PDZD2: variants seen among roughly 807,000 people sequenced by gnomAD.
The protein encoded by PDZD2 is PDZ domain-containing protein 2.
In PDZD2, 90 loss-of-function variants were observed where a neutral mutation model predicts 220.7. That is an observed-to-expected ratio of 0.41 (90% CI 0.34 to 0.49). The LOEUF (loss-of-function observed/expected upper bound fraction) is 0.49, where lower values mean the gene tolerates loss of function less well. PDZD2 is among the 20% of genes least tolerant of loss of function. PDZD2 has a pLI of 0.28. For synonymous variants in PDZD2, 1,375 were observed against 1,450.5 expected, an observed-to-expected ratio of 0.95 and a Z score of 1.18; for missense variants, 3,174 against 3,608.5, an observed-to-expected ratio of 0.88 and a Z score of 3.08.
chr5:32,089,958 C>T lies in PDZD2; in HGVS notation c.6510C>T (p.Ser2170=), dbSNP rs372666605. ...TCAGCATGGCAAAACTGGCGTCCTC[C>T]TCCTCCTCCCTTCAAACAGCCATTA... The part of the protein sequence containing the change: ...RSFSMAKLAS[S]SSSLQTAIRK... Residue 2170 remains serine, a synonymous_variant, in exon 20 of 25, where the codon TCC becomes TCT. Coordinates refer to ENST00000438447, the MANE Select transcript of PDZD2 (RefSeq NM_178140.4). The T allele has an allele frequency of 8.0e-5, 128 of 1,605,360 alleles. No homozygotes were observed. The highest frequency in any genetic ancestry group is 2.5e-4 in the Admixed American group (15 of 59,298).
At chr5:32,002,393 T>G (rs930372787) in intron 5 of PDZD2, among the ~76,000 whole-genome samples, 1 of 152,076 alleles carries the variant, frequency 6.6e-6, no homozygotes, top group African/African-American at 2.4e-5. Flanking sequence ...ACCCAGAGCG[T>G]CTGCCTGTGG....
intron 2 of PDZD2, among the ~76,000 whole-genome samples, chr5:31,947,947 C>T (rs2111584154): frequency 6.6e-6 from 1 of 152,160 alleles, no homozygotes; most frequent in South Asian, 2.1e-4. Flanking sequence ...AAAGAAAGTG[C>T]CAAGCATTAT....
At position 32,024,048 on chromosome 5, in the gene PDZD2, A is replaced by G. The variant is rs190173433; in HGVS notation, c.1408-13183A>G. On this transcript the variant is annotated intron_variant, in intron 6 of 24. Coordinates refer to ENST00000438447, the MANE Select transcript of PDZD2 (RefSeq NM_178140.4). ...CCATGATCAGATCAACTATTGTGGT[A>G]TCACGGTTCTTGTGATCAAGCAGTT... 1.4e-3 allele frequency among the ~76,000 whole-genome samples: 209 copies of G among 152,328 alleles called. 6 individuals carry two copies. The highest frequency in any genetic ancestry group is 0.013 in the Admixed American group (199 of 15,300).
intron 2 of PDZD2, among the ~76,000 whole-genome samples, chr5:31,933,136 C>T (rs1271807257): frequency 6.6e-6 from 1 of 152,126 alleles, no homozygotes; most frequent in Non-Finnish European, 1.5e-5. Flanking sequence ...GTCTCGAACT[C>T]CTGACCTCAA....
At position 32,017,541 on chromosome 5, in the gene PDZD2, C is replaced by A. The variant is rs552649913; in HGVS notation, c.1407+7059C>A. ...ATGAGAGAAAGTCTCTCTGCTATGC[C>A]CTTCTGGGAATTTCTCTCTGGGATA... On this transcript the variant is annotated intron_variant, in intron 6 of 24. Transcript: ENST00000438447. Among the ~76,000 whole-genome samples, 3 of 152,214 alleles carry A rather than the reference C, an allele frequency of 2.0e-5. No individual in the cohort carries two copies. In the East Asian group the frequency reaches 5.8e-4, roughly 29 times the overall value.
intron 1 of PDZD2, among the ~76,000 whole-genome samples, chr5:31,681,204 CTG>C (rs1235041155): frequency 6.6e-6 from 1 of 152,094 alleles, no homozygotes; most frequent in East Asian, 1.9e-4. Flanking sequence ...AGGCTTATGA[CTG>C]TTGATTCATC....
intron 1 of PDZD2, among the ~76,000 whole-genome samples, chr5:31,655,992 G>A (rs166202): frequency 0.94 from 143,216 of 152,278 alleles, 67,539 homozygotes; most frequent in East Asian, 1. Flanking sequence ...TCATTAGAGT[G>A]GTTGGAGTGG....
At chr5:31,938,722 A>AT (rs1352000655) in intron 2 of PDZD2, among the ~76,000 whole-genome samples, 1 of 152,202 alleles carries the variant, frequency 6.6e-6, no homozygotes, top group Non-Finnish European at 1.5e-5. Context: ...ATGTTTTCTC[A>AT]TATTTAGAAC....
intron 6 of PDZD2, among the ~76,000 whole-genome samples, chr5:32,025,970 C>G (rs1754629497): frequency 6.6e-6 from 1 of 152,174 alleles, no homozygotes; most frequent in Non-Finnish European, 1.5e-5. Context: ...TTTTCTGTTA[C>G]AATAATCCAT....
intron 5 of PDZD2, among the ~76,000 whole-genome samples, chr5:32,008,775 A>G (rs981073533): frequency 1.3e-5 from 2 of 152,238 alleles, no homozygotes; most frequent in Non-Finnish European, 1.5e-5. Flanking sequence ...GGATGAAAGC[A>G]GTAGTCAAAG....
rs1737965124 is a variant in PDZD2, at chr5:32,046,396, C to A, written c.1520-2143C>A. On this transcript the variant is annotated intron_variant, in intron 7 of 24. Coordinates refer to ENST00000438447, the MANE Select transcript of PDZD2 (RefSeq NM_178140.4). ...TAGCTGGGACTACAGGTGCACCCCA[C>A]CACACCTAGCTAATTTTTTGTATTT... is the stretch of plus-strand genomic sequence containing the variant. 3.9e-5 allele frequency among the ~76,000 whole-genome samples: 6 copies of A among 152,080 alleles called. No homozygotes were observed. In the South Asian group the frequency reaches 1.2e-3, roughly 32 times the overall value.
At chr5:32,106,807 T>A (rs559929490) in intron 24 of PDZD2, among the ~76,000 whole-genome samples, 17 of 152,308 alleles carry the variant, frequency 1.1e-4, no homozygotes, top group African/African-American at 4.1e-4. Context: ...CAAAAATGTA[T>A]CTATCTCAAG....
intron 2 of PDZD2, among the ~76,000 whole-genome samples, chr5:31,862,553 CTTTTCTTTTCTT>C (rs143235173): frequency 0.043 from 6,363 of 146,354 alleles, 163 homozygotes; most frequent in Admixed American, 0.056. Flanking sequence ...ACCATGGCAC[CTTTTCTTTTCTT>C]TTTTTTTTTT....
chr5:32,003,327 ACCCCCACCACAC>A (rs1561317640), intron 5 of PDZD2, among the ~76,000 whole-genome samples: 1 of 29,140 alleles, frequency 3.4e-5, no homozygotes, highest in Non-Finnish European at 6.7e-5. Context: ...CCACACACAC[ACCCCCACCACAC>A]CACACACACA....
intron 1 of PDZD2, among the ~76,000 whole-genome samples, chr5:31,643,027 G>A (rs1745006215): frequency 6.6e-6 from 1 of 152,182 alleles, no homozygotes; most frequent in African/African-American, 2.4e-5. Flanking sequence ...AAATGTTGAA[G>A]CCTCCATTTG....
At chr5:31,915,382 C>T (rs1412200282) in intron 2 of PDZD2, among the ~76,000 whole-genome samples, 2 of 152,226 alleles carry the variant, frequency 1.3e-5, no homozygotes, top group African/African-American at 2.4e-5. Context: ...CTGTTCTCCA[C>T]AGAGACAGCA....
At chr5:31,810,772 T>C (rs2150242793) in intron 2 of PDZD2, among the ~76,000 whole-genome samples, 1 of 152,320 alleles carries the variant, frequency 6.6e-6, no homozygotes, top group East Asian at 1.9e-4. Context: ...GGCACCAATA[T>C]CAAAAGGTGA....
chr5:32,030,054 G>A (rs1755001855), intron 6 of PDZD2, among the ~76,000 whole-genome samples: 1 of 152,192 alleles, frequency 6.6e-6, no homozygotes, highest in East Asian at 1.9e-4. Context: ...GTAGCTTCTT[G>A]ACTGGCATTT....
intron 2 of PDZD2, among the ~76,000 whole-genome samples, chr5:31,908,163 G>C (rs1387746065): frequency 6.6e-6 from 1 of 151,500 alleles, no homozygotes; most frequent in African/African-American, 2.4e-5. Flanking sequence ...ATCCATGTTG[G>C]AGATTTTATG....
Sources: gnomAD v4.1 joint callset for allele counts (sites outside exome capture counted in the v4.1 genomes callset) on GRCh38, gnomAD v4.1.1 for gene constraint, MANE v1.5 for transcripts, NCBI Gene and HGNC (gene_info 2026-07-23, HGNC 2026-07-21) for gene names.